The following PALLD variants were observed in gnomAD, a reference collection of about 807,000 sequenced individuals.
PALLD encodes palladin, cytoskeletal associated protein, also known as palladin.
Under a neutral mutation model 123.5 loss-of-function variants are expected in PALLD, and 61 were observed. The observed-to-expected ratio is 0.49, with a 90% confidence interval of 0.40 to 0.61. PALLD has a LOEUF of 0.61. Ranked by LOEUF, PALLD falls within the 20% of genes least tolerant of loss-of-function variation. The pLI, the probability that PALLD is intolerant of heterozygous loss-of-function variation, is 0.00. For synonymous variants in PALLD, 465 were observed against 496.4 expected, an observed-to-expected ratio of 0.94 and a Z score of 0.84; for missense variants, 1,273 against 1,377.0, an observed-to-expected ratio of 0.92 and a Z score of 1.20.
chr4:168,896,987 A>G (rs1351852423), intron 13 of PALLD, among the ~76,000 whole-genome samples: 1 of 152,116 alleles, frequency 6.6e-6, no homozygotes, highest in East Asian at 1.9e-4. Flanking sequence ...GCATGCCAAC[A>G]TGCCTGGCTA....
At chr4:168,628,736 T>C (rs965246955) in intron 2 of PALLD, among the ~76,000 whole-genome samples, 1 of 152,204 alleles carries the variant, frequency 6.6e-6, no homozygotes, top group African/African-American at 2.4e-5. Context: ...GCTCTTATTA[T>C]GTCCTAACTC....
chr4:168,880,273 TACC>T (rs1438392300), intron 10 of PALLD, among the ~76,000 whole-genome samples: 1 of 152,204 alleles, frequency 6.6e-6, no homozygotes, highest in African/African-American at 2.4e-5. Flanking sequence ...TTATAATTGT[TACC>T]ACAAGAGTCC....
intron 18 of PALLD, among the ~76,000 whole-genome samples, 154 bp downstream of exon 18, chr4:168,921,895 C>T (rs1193035150): frequency 1.3e-5 from 2 of 151,842 alleles, no homozygotes; most frequent in South Asian, 2.1e-4. Flanking sequence ...GTTATAAGGC[C>T]TAGCAAAACA....
At chr4:168,589,522 T>G (rs1315097059) in intron 2 of PALLD, among the ~76,000 whole-genome samples, 1 of 142,688 alleles carries the variant, frequency 7.0e-6, no homozygotes, top group Non-Finnish European at 1.6e-5. Context: ...CCCAGTCCAC[T>G]GTACCCACTC....
chr4:168,594,191 G>A (rs1237512629), intron 2 of PALLD, among the ~76,000 whole-genome samples: 1 of 152,184 alleles, frequency 6.6e-6, no homozygotes, highest in Non-Finnish European at 1.5e-5. Flanking sequence ...ATGAAATAGA[G>A]AGGGAAGGTA....
At chr4:168,703,236 A>C (rs1435428274) in intron 8 of PALLD, among the ~76,000 whole-genome samples, 1 of 144,650 alleles carries the variant, frequency 6.9e-6, no homozygotes, top group African/African-American at 2.7e-5. Flanking sequence ...AAGGACATGA[A>C]CTCATCATTG....
At chr4:168,687,851 C>A (rs1031627335) in intron 6 of PALLD, among the ~76,000 whole-genome samples, 1 of 152,172 alleles carries the variant, frequency 6.6e-6, no homozygotes, top group Non-Finnish European at 1.5e-5. Flanking sequence ...TAAACCAAAA[C>A]TCTGTTCTTT....
chr4:168,867,799 C>T (rs893212304), intron 10 of PALLD, among the ~76,000 whole-genome samples: 1 of 151,892 alleles, frequency 6.6e-6, no homozygotes, highest in Non-Finnish European at 1.5e-5. Context: ...CTTGATCTCC[C>T]TGTGTCTCCA....
chr4:168,573,647 A>C (rs1277037851), intron 2 of PALLD, among the ~76,000 whole-genome samples: 1 of 152,106 alleles, frequency 6.6e-6, no homozygotes, highest in Non-Finnish European at 1.5e-5. Flanking sequence ...AGAACGTGGG[A>C]AGTTGGGAAG....
intron 2 of PALLD, among the ~76,000 whole-genome samples, chr4:168,540,840 TA>T (rs1765542066): frequency 6.6e-6 from 1 of 151,790 alleles, no homozygotes; most frequent in Admixed American, 6.6e-5. Flanking sequence ...CCTGAGATGA[TA>T]AAAAGCCATT....
chr4:168,845,256 T>G (rs1013881466), intron 10 of PALLD, among the ~76,000 whole-genome samples: 3 of 152,190 alleles, frequency 2.0e-5, no homozygotes, highest in Non-Finnish European at 4.4e-5. Context: ...ATTTCCTACC[T>G]GTCTATATCA....
At chr4:168,693,099 C>G (rs567423088) in intron 8 of PALLD, among the ~76,000 whole-genome samples, 20 of 148,312 alleles carry the variant, frequency 1.3e-4, no homozygotes, top group African/African-American at 4.7e-4. Context: ...TTTCAGATCT[C>G]CCCCGCGCCC....
chr4:168,806,371 CGTT>C (rs1740197010), intron 10 of PALLD, among the ~76,000 whole-genome samples: 1 of 152,104 alleles, frequency 6.6e-6, no homozygotes, highest in African/African-American at 2.4e-5. Flanking sequence ...GCCAAGATCT[CGTT>C]GTTTAAAAGT....
chr4:168,811,780 A>T (rs148712527), intron 10 of PALLD, among the ~76,000 whole-genome samples: 680 of 37,624 alleles, frequency 0.018, 5 homozygotes, highest in Middle Eastern at 0.074. Flanking sequence ...TCTCTCTCAC[A>T]CACACACACA....
chr4:168,672,041 G>C (rs528560616), intron 3 of PALLD, among the ~76,000 whole-genome samples: 1 of 152,316 alleles, frequency 6.6e-6, no homozygotes, highest in South Asian at 2.1e-4. Context: ...GCCAAGCACT[G>C]TTCTTCATTT....
At chr4:168,870,550 C>T (rs900091863) in intron 10 of PALLD, among the ~76,000 whole-genome samples, 2 of 152,094 alleles carry the variant, frequency 1.3e-5, no homozygotes, top group African/African-American at 4.8e-5. Flanking sequence ...ACAGCATATG[C>T]ATAAGGTTAA....
rs78769983 is a variant in PALLD at position 168,921,127 on chromosome 4, C to A, written c.2851-407C>A. Among the ~76,000 whole-genome samples the A allele has an allele frequency of 1.6e-3, 249 of 152,112 alleles. 8 individuals are homozygous for A. The East Asian group carries it at 0.04, about 24-fold the overall frequency. ...CTGATACTAAAAGCCATCTCTTGGC[C>A]CGGTGCAATGGCTCATGCTTGTAAT... On this transcript the variant is annotated intron_variant, in intron 17 of 21. Coordinates refer to ENST00000505667, the MANE Select transcript of PALLD (RefSeq NM_001166108.2).
intron 2 of PALLD, among the ~76,000 whole-genome samples, chr4:168,663,923 A>G (rs1388679720): frequency 6.6e-6 from 1 of 152,198 alleles, no homozygotes; most frequent in Non-Finnish European, 1.5e-5. Context: ...GCTTTAAAAT[A>G]TTTATTATCA....
intron 2 of PALLD, among the ~76,000 whole-genome samples, chr4:168,667,336 A>G (rs1779748918): frequency 6.6e-6 from 1 of 150,710 alleles, no homozygotes; most frequent in Non-Finnish European, 1.5e-5. Flanking sequence ...TTTTAGTTCT[A>G]AGTGGCAGAT....
Sources: gnomAD v4.1 joint callset for allele counts (sites outside exome capture counted in the v4.1 genomes callset) on GRCh38, gnomAD v4.1.1 for gene constraint, MANE v1.5 for transcripts, NCBI Gene and HGNC (gene_info 2026-07-23, HGNC 2026-07-21) for gene names.